The following NR3C1 variants were observed in gnomAD, a reference collection of about 807,000 sequenced individuals.
NR3C1 encodes nuclear receptor subfamily 3 group C member 1.
NR3C1 carries 14 observed loss-of-function variants against 74.0 expected under a neutral mutation model. The observed-to-expected ratio is 0.19, with a 90% CI of 0.12 to 0.30. NR3C1 has a LOEUF of 0.30. NR3C1 is among the 10% of genes least tolerant of loss of function. The pLI is 1.00. For synonymous variants in NR3C1, 308 were observed against 332.5 expected, an observed-to-expected ratio of 0.93 and a Z score of 0.80; for missense variants, 695 against 909.8, an observed-to-expected ratio of 0.76 and a Z score of 3.04.
chr5:143,292,197 T>C (rs1816087215), intron 7 of NR3C1, among the ~76,000 whole-genome samples: 1 of 152,146 alleles, frequency 6.6e-6, no homozygotes, highest in Non-Finnish European at 1.5e-5. Flanking sequence ...TTTCTTCTGT[T>C]GTTTTTGGGT....
chr5:143,390,729 G>A (rs183728278), intron 2 of NR3C1, among the ~76,000 whole-genome samples: 2 of 152,164 alleles, frequency 1.3e-5, no homozygotes, highest in East Asian at 3.9e-4. Context: ...ATTCAAAACA[G>A]AATTAAACAT....
intron 7 of NR3C1, among the ~76,000 whole-genome samples, chr5:143,289,924 C>T (rs1815466694): frequency 6.6e-6 from 1 of 152,262 alleles, no homozygotes; most frequent in African/African-American, 2.4e-5. Flanking sequence ...TAAACACACA[C>T]TCAACCTATG....
intron 3 of NR3C1, among the ~76,000 whole-genome samples, chr5:143,311,992 A>G (rs756006070): frequency 6.6e-6 from 1 of 151,990 alleles, no homozygotes; most frequent in Non-Finnish European, 1.5e-5. Flanking sequence ...TAAGACAATG[A>G]GATATCTTAT....
intron 7 of NR3C1, chr5:143,294,095 CT>C: frequency 1.0e-6 from 1 of 984,802 alleles, no homozygotes; most frequent in Non-Finnish European, 1.2e-6. Flanking sequence ...CATAAAATAA[CT>C]TTTTGTTGAG....
chr5:143,403,369 G>A lies in NR3C1; in HGVS notation c.-172C>T. The A allele has an allele frequency of 1.0e-6, 1 of 985,444 alleles. No individual in the cohort carries two copies. Among genetic ancestry groups the A allele is most frequent in the South Asian group, 4.7e-5 (1 of 21,294 alleles). 61.0% of individuals were successfully genotyped at this position (985,444 alleles called of 1,614,324 possible). A position where few individuals can be genotyped will look rare whatever the true frequency, so the allele number is the denominator to read the frequency against. On this transcript the variant is annotated 5_prime_UTR_variant, in exon 1 of 9. Transcript: ENST00000394464. The stretch of plus-strand genomic sequence containing the variant: ...CCGCCCCTTTCTCCATGGGTGGGGG[G>A]AGAGCCCCTATTTAAGAAAGTCTCC...
chr5:143,340,476 A>T (rs1205744159), intron 2 of NR3C1, among the ~76,000 whole-genome samples: 13 of 89,138 alleles, frequency 1.5e-4, no homozygotes, highest in Admixed American at 5.6e-4. Flanking sequence ...TTTAAAGATG[A>T]TTTTTTTTTT....
At chr5:143,409,996 G>T in intron 1 of NR3C1, among the ~76,000 whole-genome samples, 1 of 152,176 alleles carries the variant, frequency 6.6e-6, no homozygotes, top group South Asian at 2.1e-4. Context: ...AGCAATACCT[G>T]ATTCAAGGAT....
In NR3C1 at chr5:143,281,816, G is replaced by A. The variant is rs984741485; in HGVS notation, c.*73C>T. ...AAATAAAACAACAAAACCTCTACAGGACAAACTGATAGTTTATACAATAAA... is the reference window on the plus strand; with the variant it reads ...AAATAAAACAACAAAACCTCTACAGAACAAACTGATAGTTTATACAATAAA... On this transcript the variant is annotated 3_prime_UTR_variant, in exon 9 of 9. Transcript: ENST00000394464. 4.2e-5 allele frequency: 60 copies of A among 1,434,666 alleles called. No homozygotes were observed. The Admixed American group carries it at 1.0e-3, about 24-fold the overall frequency. 88.9% of individuals were successfully genotyped at this position (1,434,666 alleles called of 1,614,324 possible).
chr5:143,311,175 C>G (rs1362365738), intron 3 of NR3C1, among the ~76,000 whole-genome samples: 2 of 152,180 alleles, frequency 1.3e-5, no homozygotes, highest in African/African-American at 4.8e-5. Context: ...AATGGAAGCA[C>G]TAACCCAATT....
chr5:143,365,405 CTT>C (rs969987380), intron 2 of NR3C1, among the ~76,000 whole-genome samples: 7 of 152,006 alleles, frequency 4.6e-5, no homozygotes, highest in African/African-American at 1.4e-4. Flanking sequence ...GACAAATAGA[CTT>C]AAGATAAAAA....
At position 143,293,613 on chromosome 5, in the gene NR3C1, T is replaced by C. The variant is rs141479563; in HGVS notation, c.2023+1847A>G. On this transcript the variant is annotated intron_variant, in intron 7 of 8. Coordinates refer to ENST00000394464, the MANE Select transcript of NR3C1 (RefSeq NM_000176.3). The stretch of plus-strand genomic sequence containing the variant: ...TCTACAAATGCCGTCAAAGAGCAAG[T>C]TGGCTTGAGTTCCACTTATCTCTGT... 8.3e-3 allele frequency among the ~76,000 whole-genome samples: 1,270 copies of C among 152,362 alleles called. 3 individuals are homozygous for C. Among genetic ancestry groups the C allele is most frequent in the Middle Eastern group, 0.017 (5 of 294 alleles).
At chr5:143,324,821 C>T (rs1040131966) in intron 2 of NR3C1, among the ~76,000 whole-genome samples, 26 of 152,194 alleles carry the variant, frequency 1.7e-4, no homozygotes, top group Non-Finnish European at 3.2e-4. Context: ...CCTAAATCAT[C>T]TCTCTCAAGT....
At chr5:143,337,057 A>C (rs936356595) in intron 2 of NR3C1, among the ~76,000 whole-genome samples, 6 of 152,150 alleles carry the variant, frequency 3.9e-5, no homozygotes, top group African/African-American at 1.4e-4. Context: ...ATATCTCCTT[A>C]AAAGCACCAT....
rs547326775 is a variant in NR3C1 at position 143,389,623 on chromosome 5, A to G, written c.1184+10033T>C. ...CTCTGTTAAATATCATTATCAATTA[A>G]AAGGTCACTCATCCCTAAAATACTG... On this transcript the variant is annotated intron_variant, in intron 2 of 8. Coordinates refer to ENST00000394464, the MANE Select transcript of NR3C1 (RefSeq NM_000176.3). 3.3e-5 allele frequency among the ~76,000 whole-genome samples: 5 copies of G among 152,338 alleles called. No individual in the cohort carries two copies. In the South Asian group the frequency reaches 1.0e-3, roughly 32 times the overall value.
intron 2 of NR3C1, among the ~76,000 whole-genome samples, chr5:143,320,144 T>C (rs1823039341): frequency 6.6e-6 from 1 of 152,240 alleles, no homozygotes; most frequent in Non-Finnish European, 1.5e-5. Flanking sequence ...TATCTCTGCA[T>C]TAGCTAAAGA....
chr5:143,381,666 G>T (rs1222422977), intron 2 of NR3C1, among the ~76,000 whole-genome samples: 2 of 152,116 alleles, frequency 1.3e-5, no homozygotes, highest in African/African-American at 2.4e-5. Flanking sequence ...AAGGTGCCAA[G>T]AACATACACT....
At position 143,281,114 on chromosome 5, in the gene NR3C1, A is replaced by G. The variant is rs911961742; in HGVS notation, c.*775T>C. 1.0e-4 allele frequency: 15 copies of G among 144,462 alleles called. No homozygotes were observed. The highest frequency in any genetic ancestry group is 2.8e-4 in the Admixed American group (4 of 14,052). 8.9% of individuals were successfully genotyped at this position (144,462 alleles called of 1,614,324 possible). A position where few individuals can be genotyped will look rare whatever the true frequency, so the allele number is the denominator to read the frequency against. On this transcript the variant is annotated 3_prime_UTR_variant, in exon 9 of 9. Coordinates refer to ENST00000394464, the MANE Select transcript of NR3C1 (RefSeq NM_000176.3). ...CCACTGAAGCAGATATATACAAAAT[A>G]TGAGCTTTTTTTTTTTTTTTTTTGA...
intron 2 of NR3C1, among the ~76,000 whole-genome samples, chr5:143,348,196 A>G (rs961591158): frequency 6.6e-6 from 1 of 152,222 alleles, no homozygotes; most frequent in Non-Finnish European, 1.5e-5. Context: ...TGGAGCTTCA[A>G]TTACAAAATT....
chr5:143,282,610 C>T lies in NR3C1; in HGVS notation c.2139G>A (p.Gln713=). 6.2e-7 allele frequency: 1 copy of T among 1,614,042 alleles called. No homozygotes were observed. The highest frequency in any genetic ancestry group is 8.5e-7 in the Non-Finnish European group (1 of 1,179,926). Residue 713 remains glutamine, a synonymous_variant, in exon 8 of 9, where the codon CAG becomes CAA. Coordinates refer to ENST00000394464, the MANE Select transcript of NR3C1 (RefSeq NM_000176.3). ...AGAGTTTTGTCAGTTGATAAAACCG[C>T]TGCCAGTTCTGGCTGGAGTTTCCTT... The part of the protein sequence containing the change: ...KREGNSSQNW[Q]RFYQLTKLLD...
Sources: gnomAD v4.1 joint callset for allele counts (sites outside exome capture counted in the v4.1 genomes callset) on GRCh38, gnomAD v4.1.1 for gene constraint, MANE v1.5 for transcripts, NCBI Gene and HGNC (gene_info 2026-07-23, HGNC 2026-07-21) for gene names.